PLCZ1: variants seen among roughly 807,000 people sequenced by gnomAD.
PLCZ1 encodes the protein phospholipase C zeta 1, also known as 1-phosphatidylinositol 4,5-bisphosphate phosphodiesterase zeta-1.
PLCZ1 carries 64 observed loss-of-function variants against 76.8 expected under a neutral mutation model. The observed-to-expected ratio is 0.83, with a 90% CI of 0.68 to 1.03. The LOEUF (loss-of-function observed/expected upper bound fraction) is 1.03, where lower values mean the gene tolerates loss of function less well. Ranked by LOEUF, PLCZ1 falls within the 50% of genes least tolerant of loss-of-function variation. The pLI is 0.00. For missense variants in PLCZ1, 751 were observed against 713.7 expected, an observed-to-expected ratio of 1.05 and a Z score of -0.60; for synonymous variants, 248 against 230.8, an observed-to-expected ratio of 1.07 and a Z score of -0.68.
chr12:18,668,108 T>C, the PLCZ1 span, among the ~76,000 whole-genome samples: 1,190 of 152,312 alleles, frequency 7.8e-3, 13 homozygotes, highest in African/African-American at 0.027. Context: ...GTCTTTTTCT[T>C]AGCCCCAACT....
chr12:18,647,009 A>C, the PLCZ1 span, among the ~76,000 whole-genome samples: 1 of 152,136 alleles, frequency 6.6e-6, no homozygotes, highest in Non-Finnish European at 1.5e-5. Context: ...AGAAAACAAA[A>C]AGAACATCAA....
At chr12:18,648,198 C>A in the PLCZ1 span, 1 of 367,620 alleles carries the variant, frequency 2.7e-6, no homozygotes, top group Non-Finnish European at 4.9e-6. Flanking sequence ...TCTACCTGTG[C>A]TTTCATTGTT....
chr12:18,712,799 C>T (rs752089210), intron 6 of PLCZ1, 43 bp downstream of exon 6: 13 of 1,599,472 alleles, frequency 8.1e-6, no homozygotes, highest in Admixed American at 1.7e-5. Flanking sequence ...ATTAGAATTG[C>T]TTCTGTTTAA....
rs774422011 is a variant in PLCZ1, at chr12:18,701,805, A to G, written c.865-29T>C. Reference sequence around the variant, plus strand: ...AGGAAACAATTTGAGAGATACAATTACACATTTACAAGTAAATTTGCATTG... The same window carrying G: ...AGGAAACAATTTGAGAGATACAATTGCACATTTACAAGTAAATTTGCATTG... On this transcript the variant is annotated intron_variant, in intron 7 of 14. Transcript: ENST00000266505. The G allele has an allele frequency of 3.8e-6, 6 of 1,574,216 alleles. No homozygotes were observed. In the South Asian group the frequency reaches 6.9e-5, roughly 18 times the overall value.
At chr12:18,688,854 A>G (rs1481010487) in intron 12 of PLCZ1, among the ~76,000 whole-genome samples, 1 of 152,132 alleles carries the variant, frequency 6.6e-6, no homozygotes, top group Admixed American at 6.6e-5. Flanking sequence ...GAGATAGAAG[A>G]TATAAGCCTA....
At chr12:18,737,881 T>C (rs1224762715) in intron 1 of PLCZ1, 51 bp downstream of exon 1, 2 of 282,980 alleles carry the variant, frequency 7.1e-6, no homozygotes, top group Admixed American at 9.6e-5. Flanking sequence ...CTTGAAACTT[T>C]GGGCTGCTTC....
chr12:18,683,085 T>C, downstream of PLCZ1: 1 of 701,056 alleles, frequency 1.4e-6, no homozygotes, highest in Non-Finnish European at 2.4e-6. Context: ...CTTCCACTGA[T>C]TTATTTTTGT....
chr12:18,691,547 A>C (rs773391202), intron 12 of PLCZ1, among the ~76,000 whole-genome samples: 7 of 152,158 alleles, frequency 4.6e-5, no homozygotes, highest in Admixed American at 1.3e-4. Context: ...GCCACAAGTA[A>C]AAATGACAAT....
chr12:18,684,237 T>A lies in PLCZ1; in HGVS notation c.1634A>T (p.His545Leu), dbSNP rs765803035. 1.2e-6 allele frequency: 2 copies of A among 1,610,658 alleles called. No individual in the cohort carries two copies. The highest frequency in any genetic ancestry group is 1.7e-6 in the Non-Finnish European group (2 of 1,177,570). The change falls in exon 14 of 15, where the codon CAT becomes CTT. Residue 545 changes from histidine (H) to leucine (L), a missense_variant. By Grantham distance (99) the His-to-Leu change is moderately conservative. Transcript: ENST00000266505. ...RWNETFTFII[H>L]VPELALIRFV... ...ACGTATCAATGCCAATTCTGGGACA[T>A]GAATAATAAATGTGAATGTTTCATT...
In PLCZ1 at chr12:18,723,478, A is replaced by G; in HGVS notation, c.200T>C (p.Ile67Thr). ...CTCAATAATTTCTTCTCTGTGCGTG[A>G]TAATTCGATAAATTGCTCTAAATTC... is the stretch of plus-strand genomic sequence containing the variant. ...IEEFRAIYRIITHREEIIEIF... is the reference protein window; with the variant it reads ...IEEFRAIYRITTHREEIIEIF... Residue 67 changes from isoleucine (I) to threonine (T), a missense_variant, in exon 4 of 15, where the codon ATC becomes ACC. Physicochemically the swap from Ile to Thr is moderately conservative, Grantham distance 89. Coordinates refer to ENST00000266505, the MANE Select transcript of PLCZ1 (RefSeq NM_033123.4). 3 of 1,612,976 alleles carry G rather than the reference A, an allele frequency of 1.9e-6. No homozygotes were observed. Among genetic ancestry groups the G allele is most frequent in the African/African-American group, 1.3e-5 (1 of 74,986 alleles).
At position 18,737,469 on chromosome 12, in the gene PLCZ1, A is replaced by G. The variant is rs1592313292; in HGVS notation, c.-98T>C. 1 of 1,525,080 alleles carries G rather than the reference A, an allele frequency of 6.6e-7. No individual in the cohort carries two copies. Among genetic ancestry groups the G allele is most frequent in the East Asian group, 2.3e-5 (1 of 44,258 alleles). The allele number at this position is 1,525,080 out of a possible 1,614,324, so 94.5% of individuals were successfully genotyped here. On this transcript the variant is annotated 5_prime_UTR_variant, in exon 2 of 15. Transcript: ENST00000266505. ...AATACAATTAACTCTGCCCCTTTGCAGAAAATAATTTCTTGATACTCATCA... is the reference window on the plus strand; with the variant it reads ...AATACAATTAACTCTGCCCCTTTGCGGAAAATAATTTCTTGATACTCATCA...
chr12:18,711,967 T>G (rs745864516), intron 6 of PLCZ1, among the ~76,000 whole-genome samples: 42 of 152,280 alleles, frequency 2.8e-4, no homozygotes, highest in Non-Finnish European at 4.4e-4. Context: ...GTACTCCATT[T>G]TAATATATAG....
At chr12:18,695,110 G>A in intron 11 of PLCZ1, 31 bp from the exon 12 acceptor site, 1 of 1,590,468 alleles carries the variant, frequency 6.3e-7, no homozygotes, top group Non-Finnish European at 8.6e-7. Flanking sequence ...GACATTGTCA[G>A]GTAATAGAGA....
Position 18,701,606 on chromosome 12 carries a change from ATCCTCCTCCTCCTCCTCC to A in PLCZ1, c.950-56_950-39del, listed in dbSNP as rs11279217. ...CCAATACTTCTGATTCTTTGAATTT[ATCCTCCTCCTCCTCCTCC>A]TCCTCCTCCTCCTCCTCCTCCTCCT... On this transcript the variant is annotated intron_variant, in intron 8 of 14. Coordinates refer to ENST00000266505, the MANE Select transcript of PLCZ1 (RefSeq NM_033123.4). 4,261 of 1,524,768 alleles carry A rather than the reference ATCCTCCTCCTCCTCCTCC, an allele frequency of 2.8e-3. 36 individuals carry two copies. The African/African-American group carries it at 0.031, about 11-fold the overall frequency. The allele number at this position is 1,524,768 out of a possible 1,614,324, so 94.5% of individuals were successfully genotyped here. A position where few individuals can be genotyped will look rare whatever the true frequency, so the allele number is the denominator to read the frequency against.
chr12:18,675,101 A>G, the PLCZ1 span, among the ~76,000 whole-genome samples: 4 of 152,308 alleles, frequency 2.6e-5, no homozygotes, highest in East Asian at 5.8e-4. Flanking sequence ...AATGTGATTA[A>G]TAATGTGGCT....
At chr12:18,656,516 G>A in the PLCZ1 span, among the ~76,000 whole-genome samples, 1 of 152,280 alleles carries the variant, frequency 6.6e-6, no homozygotes, top group Admixed American at 6.5e-5. Context: ...AGTGAGACAA[G>A]ATCACACCAC....
At chr12:18,713,879 A>G (rs1190917302) in intron 5 of PLCZ1, 1 of 152,230 alleles carries the variant, frequency 6.6e-6, no homozygotes, top group East Asian at 1.9e-4. Context: ...TCTTAGGTTC[A>G]TTAAATCAGT....
the PLCZ1 span, among the ~76,000 whole-genome samples, chr12:18,665,328 G>C: frequency 3.3e-5 from 5 of 151,936 alleles, no homozygotes; most frequent in Admixed American, 3.3e-4. Flanking sequence ...TGTAGAATGA[G>C]AATGTATTTA....
intron 11 of PLCZ1, 23 bp from the exon 12 acceptor site, chr12:18,695,102 C>T: frequency 6.2e-7 from 1 of 1,602,342 alleles, no homozygotes; most frequent in Non-Finnish European, 8.5e-7. Context: ...AGTATTTTGA[C>T]ATTGTCAGGT....
Sources: gnomAD v4.1 joint callset for allele counts (sites outside exome capture counted in the v4.1 genomes callset) on GRCh38, gnomAD v4.1.1 for gene constraint, MANE v1.5 for transcripts, NCBI Gene and HGNC (gene_info 2026-07-23, HGNC 2026-07-21) for gene names.